PGC: variants seen among roughly 807,000 people sequenced by gnomAD.
The protein encoded by PGC is progastricsin.
A neutral mutation model predicts 45.9 loss-of-function variants in PGC; 31 were observed. The ratio of observed to expected loss-of-function variants is 0.67; its 90% CI spans 0.51 to 0.91. The LOEUF (loss-of-function observed/expected upper bound fraction) is 0.91, where lower values mean the gene tolerates loss of function less well. PGC is among the 40% of genes least tolerant of loss of function. PGC has a pLI of 0.00. For synonymous variants in PGC, 192 were observed against 201.8 expected (o/e 0.95, Z 0.41); for missense variants, 477 against 493.2 (o/e 0.97, Z 0.31).
At chr6:41,747,242 G>C in intron 1 of PGC, 34 bp downstream of exon 1, 1 of 1,596,578 alleles carries the variant, frequency 6.3e-7, no homozygotes, top group Non-Finnish European at 8.6e-7. Context: ...TCCCATCCAG[G>C]CTCCCTGCAC....
chr6:41,745,886 G>A (rs1771923319), intron 1 of PGC, among the ~76,000 whole-genome samples: 1 of 151,706 alleles, frequency 6.6e-6, no homozygotes, highest in Admixed American at 6.6e-5. Context: ...TTTCAGGCCA[G>A]GCACGGTAGC....
At position 41,740,574 on chromosome 6, in the gene PGC, C is replaced by T; in HGVS notation, c.684G>A (p.Gly228=). 1 of 1,605,946 alleles carries T rather than the reference C, an allele frequency of 6.2e-7. No individual in the cohort carries two copies. The highest frequency in any genetic ancestry group is 8.5e-7 in the Non-Finnish European group (1 of 1,176,302). ...QGSSGGAVVF[G]GVDSSLYTGQ... ...CCGTGTACAGGCTGCTATCCACACC[C>T]CCAAAGACAACCGCTCCCCCGCTGG... The change falls in exon 6 of 9, where the codon GGG becomes GGA. Residue 228 remains glycine, a synonymous_variant. Coordinates refer to ENST00000373025, the MANE Select transcript of PGC (RefSeq NM_002630.4).
At chr6:41,747,152 T>A in intron 1 of PGC, 124 bp downstream of exon 1, 1 of 789,924 alleles carries the variant, frequency 1.3e-6, no homozygotes, top group Admixed American at 2.1e-5. Flanking sequence ...AAGGGAGACT[T>A]CCCTTCCCCT....
chr6:41,740,404 C>A, intron 6 of PGC, 87 bp downstream of exon 6: 1 of 1,474,326 alleles, frequency 6.8e-7, no homozygotes, highest in South Asian at 1.4e-5. Context: ...CATCCCAGAG[C>A]AGTGCCAGAC....
chr6:41,741,925 G>T, intron 5 of PGC: 1 of 1,125,604 alleles, frequency 8.9e-7, no homozygotes, highest in Non-Finnish European at 1.3e-6. Flanking sequence ...CGGTCAGAAG[G>T]AAGTGAGCGA....
chr6:41,738,238 GTATATATATATGCATATATATATATGCA>G (rs1561880019), intron 7 of PGC, among the ~76,000 whole-genome samples: 607 of 13,576 alleles, frequency 0.045, 101 homozygotes, highest in African/African-American at 0.1. Context: ...ATATATATAT[GTATATATATATGCATATATATATATGCA>G]CACACACACA....
intron 1 of PGC, among the ~76,000 whole-genome samples, chr6:41,745,752 T>A (rs1771920671): frequency 6.6e-6 from 1 of 151,608 alleles, no homozygotes; most frequent in Non-Finnish European, 1.5e-5. Context: ...TTTCTCTATG[T>A]TGGTCAGGCT....
intron 5 of PGC, chr6:41,741,001 TG>T (rs1561881080): frequency 2.6e-6 from 4 of 1,534,422 alleles, no homozygotes; most frequent in Non-Finnish European, 3.5e-6. Context: ...TGCTGACTTC[TG>T]GGGGGTCCCC....
chr6:41,747,051 G>A (rs1286246614), intron 1 of PGC, among the ~76,000 whole-genome samples: 1 of 152,224 alleles, frequency 6.6e-6, no homozygotes, highest in Non-Finnish European at 1.5e-5. Context: ...ATCAGATGGG[G>A]GAAGGGATCG....
rs551170301 is a variant in PGC, at chr6:41,743,321, G to C, written c.397C>G (p.Gln133Glu). The stretch of plus-strand genomic sequence containing the variant: ...CCGGTGAGGCTGCCACTGCCATACT[G>C]CAGGGAGAAGGTCTGCCCATTGGTG... ...YSTNGQTFSL[Q>E]YGSGSLTGFF... is the part of the protein sequence containing the mutation. Residue 133 changes from glutamine to glutamate, a missense_variant, in exon 4 of 9, where the codon CAG (glutamine) becomes GAG (glutamate). Coordinates refer to ENST00000373025, the MANE Select transcript of PGC (RefSeq NM_002630.4). 31 of 1,614,062 alleles carry C rather than the reference G, an allele frequency of 1.9e-5. No individual in the cohort carries two copies. In the East Asian group the frequency reaches 6.0e-4, roughly 31 times the overall value.
intron 7 of PGC, among the ~76,000 whole-genome samples, chr6:41,738,167 CAT>C (rs5875768): frequency 0.024 from 669 of 27,978 alleles, 47 homozygotes; most frequent in African/African-American, 0.049. Context: ...CATATATATG[CAT>C]ATATATATAC....
rs77062301 is a variant in PGC at position 41,744,997 on chromosome 6, G to C, written c.60-189C>G. Among the ~76,000 whole-genome samples the C allele has an allele frequency of 6.2e-5, 5 of 81,268 alleles. No homozygotes were observed. The highest frequency in any genetic ancestry group is 2.4e-4 in the African/African-American group (5 of 21,054). 53.3% of individuals were successfully genotyped at this position (81,268 alleles called of 152,430 possible). A position where few individuals can be genotyped will look rare whatever the true frequency, so the allele number is the denominator to read the frequency against. On this transcript the variant is annotated intron_variant, in intron 1 of 8. Coordinates refer to ENST00000373025, the MANE Select transcript of PGC (RefSeq NM_002630.4). The surrounding 1 kb of genome is among the most constrained non-coding windows in gnomAD (Gnocchi z 4.4). ...TCTGTCTCTGTCTGTCTGTCTCTCTGTGTGTGTGTGTGTGTGTGCGCGCGC... is the reference window on the plus strand; with the variant it reads ...TCTGTCTCTGTCTGTCTGTCTCTCTCTGTGTGTGTGTGTGTGTGCGCGCGC...
intron 3 of PGC, among the ~76,000 whole-genome samples, chr6:41,743,718 A>G (rs1003040963): frequency 2.0e-5 from 3 of 152,176 alleles, no homozygotes; most frequent in African/African-American, 7.2e-5. Context: ...ATTACTCATC[A>G]GATGAAGAAG....
intron 7 of PGC, among the ~76,000 whole-genome samples, chr6:41,738,135 T>TATATATATGCATATATATATAC (rs1205043001): frequency 2.0e-5 from 2 of 99,674 alleles, no homozygotes; most frequent in South Asian, 6.3e-4. Flanking sequence ...TATATATGCA[T>TATATATATGCATATATATATAC]ATATATATGC....
In PGC at chr6:41,736,835, G is replaced by C; in HGVS notation, c.*17C>G. On this transcript the variant is annotated 3_prime_UTR_variant, in exon 9 of 9. Coordinates refer to ENST00000373025, the MANE Select transcript of PGC (RefSeq NM_002630.4). ...GGTCAAGAGGAAGAGGGGAGCCCAC[G>C]TGTCGAGGCAGCAAGTCTAGGCGGC... is the stretch of plus-strand genomic sequence containing the variant. 1 of 1,613,870 alleles carries C rather than the reference G, an allele frequency of 6.2e-7. No individual in the cohort carries two copies. Among genetic ancestry groups the C allele is most frequent in the Non-Finnish European group, 8.5e-7 (1 of 1,179,796 alleles).
chr6:41,740,612 T>C lies in PGC; in HGVS notation c.648-2A>G. On this transcript the variant is annotated splice_acceptor_variant, in intron 5 of 8. Transcript: ENST00000373025. LOFTEE classifies it high-confidence loss of function. ...GCTCCCCCGCTGGAGCCCTGCTGGC[T>C]GCAGGAGAGAAAGGGAAGGGGAAGT... 6.3e-7 allele frequency: 1 copy of C among 1,594,990 alleles called. No homozygotes were observed. Among genetic ancestry groups the C allele is most frequent in the South Asian group, 1.1e-5 (1 of 88,546 alleles).
chr6:41,738,169 T>TAC, intron 7 of PGC, among the ~76,000 whole-genome samples: 1 of 38,076 alleles, frequency 2.6e-5, no homozygotes, highest in African/African-American at 9.1e-5. Context: ...TATATATGCA[T>TAC]ATATATATAC....
At chr6:41,741,965 C>T in intron 5 of PGC, 2 of 774,814 alleles carry the variant, frequency 2.6e-6, no homozygotes, top group South Asian at 3.1e-5. Context: ...CACCAGGAAG[C>T]CTGTCCAAGG....
At chr6:41,745,970 C>T (rs1771925343) in intron 1 of PGC, among the ~76,000 whole-genome samples, 1 of 151,736 alleles carries the variant, frequency 6.6e-6, no homozygotes, top group South Asian at 2.1e-4. Flanking sequence ...CGAGACCAGA[C>T]TGGCCAAGAT....
Sources: allele counts gnomAD v4.1 joint callset (sites outside exome capture counted in the v4.1 genomes callset), GRCh38; gene constraint gnomAD v4.1.1; non-coding constraint Gnocchi (gnomAD v3.1); transcripts MANE v1.5; gene names NCBI Gene and HGNC (gene_info 2026-07-23, HGNC 2026-07-21).